ZRANB3: variants seen among roughly 807,000 people sequenced by gnomAD.
ZRANB3 encodes zinc finger RANBP2-type containing 3.
In ZRANB3, 125 loss-of-function variants were observed where a neutral mutation model predicts 133.8. That is an observed-to-expected ratio of 0.93 (90% CI 0.81 to 1.08). The LOEUF (loss-of-function observed/expected upper bound fraction) is 1.08. ZRANB3 is among the 50% of genes least tolerant of loss of function. The pLI, the probability that ZRANB3 is intolerant of heterozygous loss-of-function variation, is 0.00. For missense variants in ZRANB3, 1,229 were observed against 1,275.5 expected, an observed-to-expected ratio of 0.96 and a Z score of 0.56; for synonymous variants, 387 against 432.7, an observed-to-expected ratio of 0.89 and a Z score of 1.31.
chr2:135,315,724 GAGA>G (rs1411554494), intron 6 of ZRANB3, among the ~76,000 whole-genome samples, 194 bp from the exon 7 acceptor site: 8 of 152,208 alleles, frequency 5.3e-5, no homozygotes, highest in Non-Finnish European at 8.8e-5. Context: ...CTTTAAACTA[GAGA>G]AGATGTTAGT....
At position 135,433,362 on chromosome 2, in the gene ZRANB3, G is replaced by A. The variant is rs564042817; in HGVS notation, c.162-42542C>T. Among the ~76,000 whole-genome samples the A allele has an allele frequency of 1.1e-4, 16 of 151,950 alleles. 1 individual carries two copies. The highest frequency in any genetic ancestry group is 3.9e-4 in the East Asian group (2 of 5,142). Reference sequence around the variant, plus strand: ...TATTTGCACCAATGCACTCCAGCACGGGCAACAAAGTGAGACCCTGTCTTA... The same window carrying A: ...TATTTGCACCAATGCACTCCAGCACAGGCAACAAAGTGAGACCCTGTCTTA... On this transcript the variant is annotated intron_variant, in intron 2 of 20. Coordinates refer to ENST00000264159, the MANE Select transcript of ZRANB3 (RefSeq NM_032143.4).
At chr2:135,387,611 A>T (rs552192579) in intron 3 of ZRANB3, among the ~76,000 whole-genome samples, 19 of 152,302 alleles carry the variant, frequency 1.2e-4, no homozygotes, top group African/African-American at 4.3e-4. Context: ...CTTAATCAAC[A>T]TTATAAATAG....
At chr2:135,295,893 T>C (rs1269087521) in intron 8 of ZRANB3, among the ~76,000 whole-genome samples, 1 of 152,246 alleles carries the variant, frequency 6.6e-6, no homozygotes, top group East Asian at 1.9e-4. Context: ...TTTAAGAATG[T>C]TGAATATTGG....
At chr2:135,239,804 T>C (rs1044506660) in intron 12 of ZRANB3, among the ~76,000 whole-genome samples, 1 of 151,600 alleles carries the variant, frequency 6.6e-6, no homozygotes, top group African/African-American at 2.4e-5. Flanking sequence ...CTGGCCAATA[T>C]GATGAAACCG....
chr2:135,284,766 C>T (rs114744141), intron 8 of ZRANB3, among the ~76,000 whole-genome samples: 1,643 of 150,564 alleles, frequency 0.011, 27 homozygotes, highest in African/African-American at 0.038. Flanking sequence ...CCGCCGCACC[C>T]GGCCACCTTT....
chr2:135,207,900 C>T, intron 18 of ZRANB3, 64 bp from the exon 19 acceptor site: 1 of 1,457,694 alleles, frequency 6.9e-7, no homozygotes, highest in Non-Finnish European at 9.2e-7. Flanking sequence ...GTAATTGCTT[C>T]ATATAAAGGT....
chr2:135,375,291 G>A (rs1407309582), intron 3 of ZRANB3, among the ~76,000 whole-genome samples: 2 of 152,122 alleles, frequency 1.3e-5, no homozygotes, highest in African/African-American at 4.8e-5. Context: ...GAGAAAGAAC[G>A]CTTGCAGTCC....
At chr2:135,345,716 A>G (rs1684889661) in intron 5 of ZRANB3, 81 bp from the exon 6 acceptor site, 1 of 1,010,436 alleles carries the variant, frequency 9.9e-7, no homozygotes, top group African/African-American at 1.6e-5. Flanking sequence ...ATTTAACAAA[A>G]TAGTAGGAAG....
At chr2:135,228,080 G>T in intron 13 of ZRANB3, 65 bp from the exon 14 acceptor site, 1 of 1,303,344 alleles carries the variant, frequency 7.7e-7, no homozygotes, top group Non-Finnish European at 1.0e-6. Flanking sequence ...TAAAAAGAAT[G>T]TAACAGTTAG....
chr2:135,255,613 T>C (rs1679614187), intron 12 of ZRANB3, among the ~76,000 whole-genome samples: 3 of 152,064 alleles, frequency 2.0e-5, no homozygotes, highest in Non-Finnish European at 1.5e-5. Flanking sequence ...GTTTGTAAGG[T>C]TGAGGCAAGA....
At chr2:135,268,730 A>G (rs1411886890) in intron 11 of ZRANB3, among the ~76,000 whole-genome samples, 2 of 152,166 alleles carry the variant, frequency 1.3e-5, no homozygotes, top group Non-Finnish European at 2.9e-5. Flanking sequence ...AAGTAGTAGA[A>G]GGGCTTGGAA....
At chr2:135,529,104 C>A (rs1006896130) in intron 1 of ZRANB3, among the ~76,000 whole-genome samples, 41 of 152,150 alleles carry the variant, frequency 2.7e-4, no homozygotes, top group African/African-American at 9.9e-4. Context: ...GTACCCAATA[C>A]AGTGTTAAGC....
intron 2 of ZRANB3, among the ~76,000 whole-genome samples, chr2:135,392,947 C>T (rs771504782): frequency 1.8e-4 from 28 of 151,782 alleles, no homozygotes; most frequent in Non-Finnish European, 1.3e-4. Context: ...GGCACAATCA[C>T]GGCTCACTGC....
At chr2:135,359,860 T>C (rs560132958) in intron 3 of ZRANB3, among the ~76,000 whole-genome samples, 25 of 152,274 alleles carry the variant, frequency 1.6e-4, no homozygotes, top group Middle Eastern at 6.8e-3. Flanking sequence ...CAATACAAAG[T>C]GAAACATTTG....
intron 12 of ZRANB3, among the ~76,000 whole-genome samples, chr2:135,244,976 T>C (rs2105087688): frequency 6.6e-6 from 1 of 152,238 alleles, no homozygotes. Context: ...GTAATAAAAT[T>C]GAGGCTTTAG....
intron 1 of ZRANB3, among the ~76,000 whole-genome samples, chr2:135,513,979 T>C (rs1338565122): frequency 6.6e-6 from 1 of 152,204 alleles, no homozygotes; most frequent in African/African-American, 2.4e-5. Context: ...GCCTCTGTTC[T>C]GATCCATTGG....
At chr2:135,275,796 GATT>G (rs1680791586) in intron 8 of ZRANB3, 41 bp from the exon 9 acceptor site, 1 of 1,414,678 alleles carries the variant, frequency 7.1e-7, no homozygotes, top group South Asian at 1.6e-5. Context: ...TCATAAAAAT[GATT>G]ATTTAAAATT....
intron 3 of ZRANB3, among the ~76,000 whole-genome samples, chr2:135,364,598 A>G (rs145644703): frequency 0.01 from 1,573 of 151,902 alleles, 25 homozygotes; most frequent in African/African-American, 0.036. Context: ...AAATACAAAA[A>G]TTAGGCCAGG....
At chr2:135,464,510 C>CA (rs1553498794) in intron 2 of ZRANB3, among the ~76,000 whole-genome samples, 2 of 152,128 alleles carry the variant, frequency 1.3e-5, no homozygotes, top group African/African-American at 2.4e-5. Flanking sequence ...GAATAATTCA[C>CA]AAAAAACCTT....
Sources: allele counts gnomAD v4.1 joint callset (sites outside exome capture counted in the v4.1 genomes callset), GRCh38; gene constraint gnomAD v4.1.1; transcripts MANE v1.5; gene names NCBI Gene and HGNC (gene_info 2026-07-23, HGNC 2026-07-21).